Variants in CUX2 observed in about 807,000 individuals in gnomAD.
CUX2 encodes the protein homeobox protein cut-like 2.
CUX2 carries 40 observed loss-of-function variants against 144.8 expected under a neutral mutation model. The ratio of observed to expected loss-of-function variants is 0.28; its 90% CI spans 0.21 to 0.36. The LOEUF is 0.36. CUX2 is among the 10% of genes least tolerant of loss of function. The probability of loss-of-function intolerance (pLI) is 1.00; values close to 1 mark genes in which losing one functional copy is unlikely to be tolerated. For synonymous variants in CUX2, 827 were observed against 875.6 expected (o/e 0.94, Z 0.98); for missense variants, 1,615 against 1,994.0 (o/e 0.81, Z 3.62).
chr12:111,348,425 A>G lies in CUX2; in HGVS notation c.*100A>G. On this transcript the variant is annotated 3_prime_UTR_variant, in exon 22 of 22. Transcript: ENST00000261726. ...GGGTAAGGGAGGGAGGAACTCAACCATCAAAATGTGGACAGCAATGTTATG... is the reference window on the plus strand; with the variant it reads ...GGGTAAGGGAGGGAGGAACTCAACCGTCAAAATGTGGACAGCAATGTTATG... 1.8e-6 allele frequency: 2 copies of G among 1,123,562 alleles called. No homozygotes were observed. Among genetic ancestry groups the G allele is most frequent in the Non-Finnish European group, 2.5e-6 (2 of 786,690 alleles). The allele number at this position is 1,123,562 out of a possible 1,614,324, so 69.6% of individuals were successfully genotyped here.
chr12:111,108,589 A>G (rs1873748546), intron 1 of CUX2, among the ~76,000 whole-genome samples: 1 of 151,560 alleles, frequency 6.6e-6, no homozygotes, highest in African/African-American at 2.4e-5. Context: ...TCATATTTTA[A>G]TCTGTTTCCC....
intron 3 of CUX2, among the ~76,000 whole-genome samples, chr12:111,219,931 G>A (rs1044848781): frequency 2.0e-5 from 3 of 152,158 alleles, no homozygotes; most frequent in African/African-American, 7.2e-5. Flanking sequence ...ATCACTTCAG[G>A]TCAGGAGTTC....
rs554579176 is a variant in CUX2, at chr12:111,219,337, A to C, written c.222+1400A>C. On this transcript the variant is annotated intron_variant, in intron 3 of 21. Coordinates refer to ENST00000261726, the MANE Select transcript of CUX2 (RefSeq NM_015267.4). ...GAAGAAAAAAACTAGACAGACCAAT[A>C]ATGTTAGGAACTTTGTGTTCCTATA... is the stretch of plus-strand genomic sequence containing the variant. Among the ~76,000 whole-genome samples, 5 of 152,184 alleles carry C rather than the reference A, an allele frequency of 3.3e-5. No homozygotes were observed. The East Asian group carries it at 5.8e-4, about 18-fold the overall frequency.
At chr12:111,267,810 T>TTCTC (rs1020476680) in intron 4 of CUX2, among the ~76,000 whole-genome samples, 3 of 151,746 alleles carry the variant, frequency 2.0e-5, no homozygotes, top group Admixed American at 6.6e-5. Flanking sequence ...TCCCTCTCCT[T>TTCTC]TCTCTCTCTC....
At chr12:111,053,236 AT>A (rs933630470) in intron 1 of CUX2, among the ~76,000 whole-genome samples, 4 of 152,138 alleles carry the variant, frequency 2.6e-5, no homozygotes, top group Admixed American at 6.5e-5. Flanking sequence ...CAGAAATGTG[AT>A]TTTGTTTCTC....
chr12:111,217,238 A>G (rs1017696259), intron 2 of CUX2, among the ~76,000 whole-genome samples: 8 of 152,194 alleles, frequency 5.3e-5, no homozygotes, highest in Admixed American at 3.9e-4. Flanking sequence ...GCCCACGTCC[A>G]TAGAGTTCCT....
chr12:111,282,229 G>A (rs534835842), intron 4 of CUX2, among the ~76,000 whole-genome samples: 2 of 152,018 alleles, frequency 1.3e-5, no homozygotes, highest in East Asian at 1.9e-4. Context: ...GGCTGAGGCA[G>A]GAGAATGGTG....
intron 1 of CUX2, among the ~76,000 whole-genome samples, chr12:111,191,074 C>G (rs947928302): frequency 6.6e-6 from 1 of 152,194 alleles, no homozygotes; most frequent in Non-Finnish European, 1.5e-5. Flanking sequence ...CAAAGCCCCT[C>G]TGCAGGGGCT....
intron 9 of CUX2, among the ~76,000 whole-genome samples, chr12:111,300,292 CAT>C (rs895049782): frequency 1.3e-5 from 2 of 152,226 alleles, no homozygotes; most frequent in Non-Finnish European, 2.9e-5. Context: ...GGCTAATTTT[CAT>C]ATGTTTTGTA....
chr12:111,240,137 G>A (rs1882952789), intron 3 of CUX2, among the ~76,000 whole-genome samples: 1 of 152,252 alleles, frequency 6.6e-6, no homozygotes, highest in Admixed American at 6.5e-5. Flanking sequence ...TTATCAAGGT[G>A]AGAGGATTTG....
chr12:111,191,306 A>T (rs927326195), intron 1 of CUX2, among the ~76,000 whole-genome samples: 5 of 146,752 alleles, frequency 3.4e-5, no homozygotes, highest in Admixed American at 2.7e-4. Context: ...TTATTCTTTT[A>T]TTATTTATTT....
intron 1 of CUX2, among the ~76,000 whole-genome samples, chr12:111,052,170 A>G (rs1203020570): frequency 6.6e-6 from 1 of 151,876 alleles, no homozygotes; most frequent in African/African-American, 2.4e-5. Flanking sequence ...ACTTCTTCCC[A>G]TCAACTCCTC....
intron 18 of CUX2, among the ~76,000 whole-genome samples, chr12:111,332,875 A>G (rs1888182121): frequency 6.6e-6 from 1 of 152,154 alleles, no homozygotes; most frequent in Admixed American, 6.6e-5. Context: ...AGTTGTCCCA[A>G]TAATATCCTT....
At chr12:111,240,486 C>G (rs1319872185) in intron 3 of CUX2, among the ~76,000 whole-genome samples, 1 of 152,252 alleles carries the variant, frequency 6.6e-6, no homozygotes, top group African/African-American at 2.4e-5. Flanking sequence ...GTTCTAAATA[C>G]AAACTCCCGA....
chr12:111,197,991 C>T (rs1375455082), intron 1 of CUX2, among the ~76,000 whole-genome samples: 1 of 152,198 alleles, frequency 6.6e-6, no homozygotes, highest in Non-Finnish European at 1.5e-5. Context: ...TCTTTCTTCC[C>T]TTTCTTGCTG....
At chr12:111,091,420 C>G (rs938085382) in intron 1 of CUX2, among the ~76,000 whole-genome samples, 1 of 152,180 alleles carries the variant, frequency 6.6e-6, no homozygotes, top group Non-Finnish European at 1.5e-5. Flanking sequence ...GCAGCGTTCA[C>G]TCCTCCCTGT....
chr12:111,258,937 A>G (rs1883969277), intron 3 of CUX2, among the ~76,000 whole-genome samples: 1 of 152,006 alleles, frequency 6.6e-6, no homozygotes, highest in African/African-American at 2.4e-5. Context: ...GTGCACTTAG[A>G]GTGCATTGCA....
chr12:111,272,499 C>G (rs1156939717), intron 4 of CUX2, among the ~76,000 whole-genome samples: 1 of 152,206 alleles, frequency 6.6e-6, no homozygotes, highest in African/African-American at 2.4e-5. Context: ...TAGTCTCACT[C>G]TGTCACACAG....
intron 1 of CUX2, among the ~76,000 whole-genome samples, chr12:111,091,873 A>G (rs111631135): frequency 0.019 from 2,877 of 152,100 alleles, 91 homozygotes; most frequent in African/African-American, 0.065. Flanking sequence ...TTATCTTTGC[A>G]CCTGTCTCTT....
Sources: allele counts gnomAD v4.1 joint callset (sites outside exome capture counted in the v4.1 genomes callset), GRCh38; gene constraint gnomAD v4.1.1; transcripts MANE v1.5; gene names NCBI Gene and HGNC (gene_info 2026-07-23, HGNC 2026-07-21).